The following CLDN18 variants were observed in gnomAD, a reference collection of about 807,000 sequenced individuals.
CLDN18 encodes claudin 18.
CLDN18 carries 20 observed loss-of-function variants against 25.0 expected under a neutral mutation model. That is an observed-to-expected ratio of 0.80 (90% CI 0.56 to 1.16). The LOEUF is 1.16. CLDN18 is among the 50% of genes most tolerant of loss of function. The pLI, the probability that CLDN18 is intolerant of heterozygous loss-of-function variation, is 0.00. For missense variants in CLDN18, 297 were observed against 345.4 expected (o/e 0.86, Z 1.11); for synonymous variants, 125 against 135.6 (o/e 0.92, Z 0.54).
chr3:138,005,044 T>C (rs1375484050), intron 1 of CLDN18: 1 of 152,126 alleles, frequency 6.6e-6, no homozygotes, highest in Non-Finnish European at 1.5e-5. Context: ...AAAAGATGTT[T>C]TTAGTAATTA....
At chr3:138,023,454 A>T (rs1321184012) in intron 1 of CLDN18, among the ~76,000 whole-genome samples, 1 of 152,242 alleles carries the variant, frequency 6.6e-6, no homozygotes, top group Non-Finnish European at 1.5e-5. Flanking sequence ...TTCATCAGTC[A>T]GAGAATTGTA....
At chr3:138,000,667 C>CT (rs1447308452) in intron 1 of CLDN18, among the ~76,000 whole-genome samples, 1 of 152,190 alleles carries the variant, frequency 6.6e-6, no homozygotes, top group Non-Finnish European at 1.5e-5. Flanking sequence ...GAAGGAGGGA[C>CT]TGGGTATAAA....
intron 1 of CLDN18, chr3:138,004,904 GACT>G (rs1942053829): frequency 1.3e-5 from 2 of 151,884 alleles, no homozygotes; most frequent in South Asian, 4.1e-4. Flanking sequence ...AAATTTATTT[GACT>G]ACATCATTCA....
At chr3:138,024,280 G>A (rs569520538) in intron 2 of CLDN18, among the ~76,000 whole-genome samples, 1 of 152,196 alleles carries the variant, frequency 6.6e-6, no homozygotes, top group Admixed American at 6.5e-5. Flanking sequence ...TTCTTGGCGA[G>A]GCTTTAGAAA....
At chr3:138,016,301 G>A (rs1405120456) in intron 1 of CLDN18, among the ~76,000 whole-genome samples, 1 of 152,174 alleles carries the variant, frequency 6.6e-6, no homozygotes, top group Non-Finnish European at 1.5e-5. Context: ...GTTTCTAAAG[G>A]CAGGAATGGG....
At chr3:138,014,251 GAGA>G (rs1472801505) in intron 1 of CLDN18, among the ~76,000 whole-genome samples, 6 of 152,202 alleles carry the variant, frequency 3.9e-5, no homozygotes, top group African/African-American at 1.4e-4. Context: ...TTGGCTCTCT[GAGA>G]AGGATTTTAG....
At chr3:138,004,447 C>CA (rs886877340) in intron 1 of CLDN18, among the ~76,000 whole-genome samples, 6 of 149,358 alleles carry the variant, frequency 4.0e-5, no homozygotes, top group South Asian at 4.3e-4. Context: ...AAGAAGCAGA[C>CA]AAAAAAAACG....
At chr3:138,010,795 C>A (rs1268871504) in intron 1 of CLDN18, among the ~76,000 whole-genome samples, 1 of 152,154 alleles carries the variant, frequency 6.6e-6, no homozygotes, top group Non-Finnish European at 1.5e-5. Flanking sequence ...CCTGCCTGCA[C>A]ATACATGGGA....
At chr3:138,020,243 A>G (rs1285025334) in intron 1 of CLDN18, among the ~76,000 whole-genome samples, 1 of 152,198 alleles carries the variant, frequency 6.6e-6, no homozygotes, top group Non-Finnish European at 1.5e-5. Flanking sequence ...ACCTGCTCCC[A>G]TGACAGTTGC....
chr3:138,000,838 C>T (rs185699123), intron 1 of CLDN18, among the ~76,000 whole-genome samples: 4 of 152,344 alleles, frequency 2.6e-5, no homozygotes, highest in African/African-American at 9.6e-5. Flanking sequence ...TTCTCCCTCA[C>T]TGCAGATACG....
At chr3:138,000,578 G>A (rs984776729) in intron 1 of CLDN18, among the ~76,000 whole-genome samples, 2 of 152,180 alleles carry the variant, frequency 1.3e-5, no homozygotes, top group Non-Finnish European at 2.9e-5. Context: ...GTATTTCAAG[G>A]ATATTAATCT....
upstream of CLDN18, among the ~76,000 whole-genome samples, chr3:138,008,368 C>T (rs1232839700): frequency 6.6e-6 from 1 of 152,034 alleles, no homozygotes; most frequent in Non-Finnish European, 1.5e-5. Flanking sequence ...CTTTGGGAGG[C>T]CGAGGCAGGC....
chr3:138,020,210 C>T (rs934784829), intron 1 of CLDN18, among the ~76,000 whole-genome samples: 4 of 152,140 alleles, frequency 2.6e-5, no homozygotes, highest in African/African-American at 9.7e-5. Flanking sequence ...AGCAGTGGAG[C>T]CAATTTCCTC....
At chr3:138,002,945 ATATT>A (rs1442466592) in intron 1 of CLDN18, among the ~76,000 whole-genome samples, 1 of 152,210 alleles carries the variant, frequency 6.6e-6, no homozygotes, top group Non-Finnish European at 1.5e-5. Flanking sequence ...ATTAGAAGAA[ATATT>A]TATTCATTCA....
intron 1 of CLDN18, among the ~76,000 whole-genome samples, chr3:137,999,828 A>G (rs1941996914): frequency 6.6e-6 from 1 of 152,252 alleles, no homozygotes. Flanking sequence ...TAGATTGGTC[A>G]TTTTAACTAG....
intron 1 of CLDN18, among the ~76,000 whole-genome samples, chr3:138,011,011 C>T (rs1942131787): frequency 6.6e-6 from 1 of 151,462 alleles, no homozygotes; most frequent in African/African-American, 2.4e-5. Flanking sequence ...CAATGTATAT[C>T]AAAATATAAT....
rs1194599199 is a variant in CLDN18, at chr3:138,031,059, C to A, written c.704C>A (p.Thr235Asn). The A allele has an allele frequency of 6.8e-6, 11 of 1,614,094 alleles. No homozygotes were observed. The highest frequency in any genetic ancestry group is 8.5e-6 in the Non-Finnish European group (10 of 1,180,008). ...GCCAGCACTGGCTTTGGGTCCAACA[C>A]CAAAAACAAGAAGATATACGATGGA... ...FKASTGFGSNTKNKKIYDGGA... is the reference protein window; with the variant it reads ...FKASTGFGSNNKNKKIYDGGA... Residue 235 changes from threonine (T) to asparagine (N), a missense_variant, in exon 5 of 5, where the codon ACC (threonine) becomes AAC (asparagine). Thr to Asn is a moderately conservative substitution (Grantham distance 65, BLOSUM62 0). Coordinates refer to ENST00000183605, the MANE Select transcript of CLDN18 (RefSeq NM_016369.4).
intron 1 of CLDN18, among the ~76,000 whole-genome samples, chr3:138,014,550 T>C (rs1345023621): frequency 6.6e-6 from 1 of 152,008 alleles, no homozygotes; most frequent in South Asian, 2.1e-4. Flanking sequence ...AAAACCAAGC[T>C]GGACTGAACC....
chr3:138,024,756 C>A, intron 3 of CLDN18, 32 bp downstream of exon 3: 2 of 1,211,342 alleles, frequency 1.7e-6, no homozygotes, highest in Non-Finnish European at 2.4e-6. Context: ...CGGCATTCAC[C>A]ATGATGAATA....
Sources: gnomAD v4.1 joint callset for allele counts (sites outside exome capture counted in the v4.1 genomes callset) on GRCh38, gnomAD v4.1.1 for gene constraint, MANE v1.5 for transcripts, NCBI Gene and HGNC (gene_info 2026-07-23, HGNC 2026-07-21) for gene names.